ATP1B1: variants seen among roughly 807,000 people sequenced by gnomAD.
ATP1B1 encodes the protein sodium/potassium-transporting ATPase subunit beta-1.
In ATP1B1, 3 loss-of-function variants were observed where a neutral mutation model predicts 39.6. The observed-to-expected ratio is 0.08, with a 90% CI of 0.03 to 0.20. The LOEUF is 0.20. Among genes scored for constraint, ATP1B1 ranks in the 10% least tolerant of loss-of-function variants. ATP1B1 has a pLI of 1.00. For synonymous variants in ATP1B1, 139 were observed against 135.0 expected (o/e 1.03, Z -0.20); for missense variants, 216 against 371.1 (o/e 0.58, Z 3.43).
intron 1 of ATP1B1, chr1:169,110,651 C>T: frequency 7.8e-7 from 1 of 1,283,370 alleles, no homozygotes; most frequent in Non-Finnish European, 1.0e-6. Flanking sequence ...GAAAATGCAG[C>T]CCAGCAAGTC....
intron 2 of ATP1B1, among the ~76,000 whole-genome samples, chr1:169,124,119 G>A (rs1658040532): frequency 6.6e-6 from 1 of 152,184 alleles, no homozygotes; most frequent in African/African-American, 2.4e-5. Context: ...GTGCTGTGTA[G>A]TGTGGTTCAC....
At chr1:169,120,309 T>C (rs918180119) in intron 2 of ATP1B1, among the ~76,000 whole-genome samples, 1 of 152,168 alleles carries the variant, frequency 6.6e-6, no homozygotes, top group African/African-American at 2.4e-5. Flanking sequence ...TCTGTTTTTT[T>C]ACTGGAAATG....
At chr1:169,111,640 G>A in intron 2 of ATP1B1, 142 bp downstream of exon 2, 1 of 1,225,754 alleles carries the variant, frequency 8.2e-7, no homozygotes, top group East Asian at 2.5e-5. Flanking sequence ...ACTTCTCTCG[G>A]CTGCAGCCAG....
intron 2 of ATP1B1, among the ~76,000 whole-genome samples, chr1:169,115,954 C>G (rs1325852039): frequency 6.6e-6 from 1 of 152,266 alleles, no homozygotes; most frequent in Non-Finnish European, 1.5e-5. Context: ...CAGTGCTGCT[C>G]TGCAGCATCG....
chr1:169,126,394 A>G (rs1186801264), intron 3 of ATP1B1, among the ~76,000 whole-genome samples: 2 of 152,220 alleles, frequency 1.3e-5, no homozygotes, highest in Non-Finnish European at 2.9e-5. Context: ...TTTGAATTCT[A>G]TATTCACTTG....
In ATP1B1 at chr1:169,131,561, A is replaced by G; in HGVS notation, c.*6A>G. ...AAATTGAAGTTAAGAGCTGATCACA[A>G]GCACAAATCTTTCCCACTAGCCATT... On this transcript the variant is annotated 3_prime_UTR_variant, in exon 6 of 6. Transcript: ENST00000367815. This position sits in a 1 kb window ranked among gnomAD's most constrained non-coding sequence, Gnocchi z 4.4. 6.2e-7 allele frequency: 1 copy of G among 1,603,684 alleles called. No individual in the cohort carries two copies. The highest frequency in any genetic ancestry group is 8.5e-7 in the Non-Finnish European group (1 of 1,175,128).
intron 2 of ATP1B1, among the ~76,000 whole-genome samples, chr1:169,113,875 CTG>C (rs1158165700): frequency 1.4e-4 from 21 of 152,340 alleles, no homozygotes; most frequent in Non-Finnish European, 1.9e-4. Context: ...CTGGTAATTT[CTG>C]TCTCTTCTTT....
In ATP1B1 at chr1:169,130,100, A is replaced by C; in HGVS notation, c.648+10A>C. 6.2e-7 allele frequency: 1 copy of C among 1,612,870 alleles called. No individual in the cohort carries two copies. The highest frequency in any genetic ancestry group is 1.1e-5 in the South Asian group (1 of 90,936). On this transcript the variant is annotated intron_variant, in intron 5 of 5. Coordinates refer to ENST00000367815, the MANE Select transcript of ATP1B1 (RefSeq NM_001677.4). ...TCAGTGCACTGGCAAGGTAAAGACA[A>C]ATTTAGGGTTACTGGGGTGGTGGAA...
At position 169,127,485 on chromosome 1, in the gene ATP1B1, A is replaced by G. The variant is rs114162040; in HGVS notation, c.567+77A>G. The G allele has an allele frequency of 1.9e-3, 2,877 of 1,481,044 alleles. 20 individuals are homozygous for G. The highest frequency in any genetic ancestry group is 0.013 in the African/African-American group (882 of 69,424). The allele number at this position is 1,481,044 out of a possible 1,614,324, so 91.7% of individuals were successfully genotyped here. A position where few individuals can be genotyped will look rare whatever the true frequency, so the allele number is the denominator to read the frequency against. On this transcript the variant is annotated intron_variant, in intron 4 of 5. Coordinates refer to ENST00000367815, the MANE Select transcript of ATP1B1 (RefSeq NM_001677.4). ...CTTAATTGATCTGAGAAGACAATGT[A>G]AGATAGTTTTAAAGTATACTCAGTG... is the stretch of plus-strand genomic sequence containing the variant.
Position 169,131,761 on chromosome 1 carries a change from CAAAAG to C in ATP1B1, c.*211_*215del, listed in dbSNP as rs1310215474. ...AAAATATTTATTCTACTGTAAATGACAAAAGAAAAAGAAAAATTGAGCCTTGGGAC... is the reference window on the plus strand; with the variant it reads ...AAAATATTTATTCTACTGTAAATGACAAAAAGAAAAATTGAGCCTTGGGAC... On this transcript the variant is annotated 3_prime_UTR_variant, in exon 6 of 6. Coordinates refer to ENST00000367815, the MANE Select transcript of ATP1B1 (RefSeq NM_001677.4). The surrounding 1 kb of genome is among the most constrained non-coding windows in gnomAD (Gnocchi z 4.4). The C allele has an allele frequency of 7.5e-6, 5 of 668,286 alleles. No individual in the cohort carries two copies. The highest frequency in any genetic ancestry group is 5.5e-5 in the African/African-American group (3 of 54,766). The allele number at this position is 668,286 out of a possible 1,614,324, so 41.4% of individuals were successfully genotyped here. A position where few individuals can be genotyped will look rare whatever the true frequency, so the allele number is the denominator to read the frequency against.
intron 1 of ATP1B1, among the ~76,000 whole-genome samples, chr1:169,110,025 T>C (rs1657694245): frequency 6.6e-6 from 1 of 152,110 alleles, no homozygotes; most frequent in Non-Finnish European, 1.5e-5. Context: ...TTCTTCCTTA[T>C]CTTTACTTCT....
intron 2 of ATP1B1, among the ~76,000 whole-genome samples, chr1:169,120,636 G>A (rs1657959092): frequency 6.6e-6 from 1 of 152,192 alleles, no homozygotes; most frequent in Non-Finnish European, 1.5e-5. Flanking sequence ...AGTTTCTGAT[G>A]CTTCTGTAAG....
chr1:169,110,481 A>T (rs1388244771), intron 1 of ATP1B1: 1 of 404,058 alleles, frequency 2.5e-6, no homozygotes, highest in Non-Finnish European at 4.3e-6. Flanking sequence ...TGCCTAGTAC[A>T]GCCTGTTACT....
rs752460099 is a variant in ATP1B1 at position 169,132,167 on chromosome 1, A to T, written c.*612A>T. 17 of 627,498 alleles carry T rather than the reference A, an allele frequency of 2.7e-5. No homozygotes were observed. The highest frequency in any genetic ancestry group is 4.2e-4 in the Middle Eastern group (1 of 2,402). 38.9% of individuals were successfully genotyped at this position (627,498 alleles called of 1,614,324 possible). A position where few individuals can be genotyped will look rare whatever the true frequency, so the allele number is the denominator to read the frequency against. ...CTGGGGGCTGGGGTGGGGGTTTGTC[A>T]TGGGGGAACTGCCCTTTAAATTTTA... On this transcript the variant is annotated 3_prime_UTR_variant, in exon 6 of 6. Coordinates refer to ENST00000367815, the MANE Select transcript of ATP1B1 (RefSeq NM_001677.4).
chr1:169,129,103 G>A lies in ATP1B1; in HGVS notation c.568-907G>A, dbSNP rs7553526. On this transcript the variant is annotated intron_variant, in intron 4 of 5. Coordinates refer to ENST00000367815, the MANE Select transcript of ATP1B1 (RefSeq NM_001677.4). ...AGACAAATACATTGCTGGCAGAAAC[G>A]TCCCAAAGAGTCAAATCTAGACGAT... Among the ~76,000 whole-genome samples, 600 of 152,266 alleles carry A rather than the reference G, an allele frequency of 3.9e-3. 5 individuals carry two copies. Among genetic ancestry groups the A allele is most frequent in the African/African-American group, 0.013 (557 of 41,542 alleles).
chr1:169,127,768 A>G (rs1658118958), intron 4 of ATP1B1, among the ~76,000 whole-genome samples: 2 of 141,552 alleles, frequency 1.4e-5, no homozygotes, highest in Admixed American at 6.8e-5. Context: ...TGGTTAGAGA[A>G]AAAAAAAAGT....
At chr1:169,111,746 A>G (rs372278008) in intron 2 of ATP1B1, among the ~76,000 whole-genome samples, 1 of 152,170 alleles carries the variant, frequency 6.6e-6, no homozygotes, top group Non-Finnish European at 1.5e-5. Flanking sequence ...GTTCTTGGCC[A>G]GCCTGCTACC....
At chr1:169,115,063 T>C (rs1422471145) in intron 2 of ATP1B1, among the ~76,000 whole-genome samples, 1 of 151,118 alleles carries the variant, frequency 6.6e-6, no homozygotes, top group Non-Finnish European at 1.5e-5. Flanking sequence ...CGGGCACCTG[T>C]AGTCCCAGCT....
intron 2 of ATP1B1, among the ~76,000 whole-genome samples, chr1:169,115,533 G>A (rs1171689744): frequency 1.3e-5 from 2 of 151,874 alleles, no homozygotes; most frequent in African/African-American, 4.8e-5. Context: ...ATTTTTAGTA[G>A]AGATGGGGTT....
Sources: gnomAD v4.1 joint callset for allele counts (sites outside exome capture counted in the v4.1 genomes callset) on GRCh38, gnomAD v4.1.1 for gene constraint, Gnocchi (gnomAD v3.1) non-coding constraint, MANE v1.5 for transcripts, NCBI Gene and HGNC (gene_info 2026-07-23, HGNC 2026-07-21) for gene names.